The following CLEC17A variants were observed in gnomAD, a reference collection of about 807,000 sequenced individuals.
CLEC17A encodes C-type lectin domain family 17, member A.
In CLEC17A, 37 loss-of-function variants were observed where a neutral mutation model predicts 61.3. The ratio of observed to expected loss-of-function variants is 0.60; its 90% CI spans 0.46 to 0.79. The LOEUF (loss-of-function observed/expected upper bound fraction) is 0.79, where lower values mean the gene tolerates loss of function less well. Among genes scored for constraint, CLEC17A ranks in the 30% least tolerant of loss-of-function variants. The pLI is 0.00. For synonymous variants in CLEC17A, 168 were observed against 164.9 expected, an observed-to-expected ratio of 1.02 and a Z score of -0.14; for missense variants, 418 against 464.7, an observed-to-expected ratio of 0.90 and a Z score of 0.92.
At chr19:14,594,421 C>T in intron 4 of CLEC17A, 96 bp from the exon 5 acceptor site, 1 of 1,470,086 alleles carries the variant, frequency 6.8e-7, no homozygotes, top group Non-Finnish European at 9.3e-7. Context: ...ACCTAATCTC[C>T]AATCCTCCAC....
At chr19:14,598,306 C>CTT (rs2074602794) in intron 10 of CLEC17A, among the ~76,000 whole-genome samples, 1 of 103,264 alleles carries the variant, frequency 9.7e-6, no homozygotes, top group South Asian at 2.9e-4. Flanking sequence ...TTCTTTCTTT[C>CTT]TCTCTCTCTC....
chr19:14,599,892 C>A, intron 11 of CLEC17A, 80 bp downstream of exon 11: 2 of 1,495,060 alleles, frequency 1.3e-6, no homozygotes, highest in Non-Finnish European at 1.8e-6. Context: ...TGAAGTCATT[C>A]TCAGTGCAGT....
At chr19:14,592,966 G>T (rs906126335) in intron 4 of CLEC17A, among the ~76,000 whole-genome samples, 7 of 151,886 alleles carry the variant, frequency 4.6e-5, no homozygotes, top group Non-Finnish European at 1.0e-4. Context: ...ACGCCTGGCC[G>T]AGCAGACATT....
At chr19:14,599,099 T>C (rs934956542) in intron 10 of CLEC17A, among the ~76,000 whole-genome samples, 3 of 140,274 alleles carry the variant, frequency 2.1e-5, no homozygotes, top group African/African-American at 8.0e-5. Flanking sequence ...TTTTTTTTTT[T>C]TTTTTTGAGA....
intron 13 of CLEC17A, 50 bp from the exon 14 acceptor site, chr19:14,610,014 T>C: frequency 7.2e-7 from 1 of 1,397,152 alleles, no homozygotes; most frequent in Non-Finnish European, 1.0e-6. Context: ...CAGAAGAGTT[T>C]CACCACCCTA....
At position 14,611,739 on chromosome 19, in the gene CLEC17A, C is replaced by T. The variant is rs1015608599; in HGVS notation, c.*1543C>T. 2.0e-5 allele frequency among the ~76,000 whole-genome samples: 3 copies of T among 152,118 alleles called. No individual in the cohort carries two copies. Among genetic ancestry groups the T allele is most frequent in the Admixed American group, 6.6e-5 (1 of 15,244 alleles). The stretch of plus-strand genomic sequence containing the variant: ...TTTACTTGCCAGGCACAGTGGCTCA[C>T]GCCTGTAATCCCAGCACTCTGGGAG... On this transcript the variant is annotated 3_prime_UTR_variant, in exon 14 of 14. Transcript: ENST00000417570.
chr19:14,595,352 G>C (rs1352116571), intron 8 of CLEC17A, 37 bp downstream of exon 8: 4 of 1,611,108 alleles, frequency 2.5e-6, no homozygotes, highest in East Asian at 4.5e-5. Flanking sequence ...ACAGTGGCTA[G>C]TGTATCTGAT....
chr19:14,582,052 G>A (rs1414824977), upstream of CLEC17A, among the ~76,000 whole-genome samples: 4 of 152,186 alleles, frequency 2.6e-5, no homozygotes, highest in South Asian at 2.1e-4. Flanking sequence ...AGGCTGCAGC[G>A]TGAGAATCCA....
At chr19:14,609,437 C>T (rs1348021496) in intron 13 of CLEC17A, among the ~76,000 whole-genome samples, 1 of 152,172 alleles carries the variant, frequency 6.6e-6, no homozygotes, top group Non-Finnish European at 1.5e-5. Context: ...TCAGGCCCTG[C>T]TTTAAGCAAG....
At chr19:14,590,509 C>G (rs1298574904) in intron 3 of CLEC17A, among the ~76,000 whole-genome samples, 2 of 151,814 alleles carry the variant, frequency 1.3e-5, no homozygotes, top group African/African-American at 4.8e-5. Context: ...CTGACTCAGT[C>G]TCCCTGGCAG....
Position 14,599,366 on chromosome 19 carries a change from G to A in CLEC17A, c.647-351G>A, listed in dbSNP as rs375956868. Among the ~76,000 whole-genome samples, 159 of 152,184 alleles carry A rather than the reference G, an allele frequency of 1.0e-3. 3 individuals carry two copies. The South Asian group carries it at 0.032, about 31-fold the overall frequency. The stretch of plus-strand genomic sequence containing the variant: ...GCCTCCCAAAGTGCTGGGATTACAG[G>A]TGTGAGCCACCATGGGCAGCCTGCA... On this transcript the variant is annotated intron_variant, in intron 10 of 13. Transcript: ENST00000417570.
intron 10 of CLEC17A, among the ~76,000 whole-genome samples, chr19:14,598,847 C>T (rs1162395050): frequency 6.6e-6 from 1 of 152,070 alleles, no homozygotes; most frequent in Non-Finnish European, 1.5e-5. Context: ...GTAGTCCCAG[C>T]TACTCAGGAG....
At chr19:14,600,669 C>A (rs533183058) in intron 12 of CLEC17A, among the ~76,000 whole-genome samples, 29 of 151,392 alleles carry the variant, frequency 1.9e-4, no homozygotes, top group African/African-American at 6.3e-4. Flanking sequence ...GTAAGCTCCG[C>A]CTCCCGGGTT....
At chr19:14,601,505 A>G (rs181908854) in intron 12 of CLEC17A, among the ~76,000 whole-genome samples, 7 of 152,204 alleles carry the variant, frequency 4.6e-5, no homozygotes, top group African/African-American at 7.2e-5. Flanking sequence ...GTTCCAGTAC[A>G]TGTAAGCAAC....
chr19:14,602,185 CATT>C (rs942407321), intron 12 of CLEC17A, among the ~76,000 whole-genome samples: 2 of 151,854 alleles, frequency 1.3e-5, no homozygotes, highest in African/African-American at 4.8e-5. Context: ...TTATTTATGT[CATT>C]ATATTTAAAA....
chr19:14,609,045 C>A (rs1253320776), intron 13 of CLEC17A, among the ~76,000 whole-genome samples: 1 of 152,042 alleles, frequency 6.6e-6, no homozygotes, highest in Non-Finnish European at 1.5e-5. Flanking sequence ...GGTGATCTAC[C>A]CGTCTTGGCC....
Position 14,610,738 on chromosome 19 carries a change from C to A in CLEC17A, c.*542C>A, listed in dbSNP as rs988824050. The A allele has an allele frequency of 1.3e-5, 2 of 153,394 alleles. No individual in the cohort carries two copies. The highest frequency in any genetic ancestry group is 1.3e-4 in the Admixed American group (2 of 15,452). 9.5% of individuals were successfully genotyped at this position (153,394 alleles called of 1,614,324 possible). ...GTCTCACTATGTTGCCCAGGCCAGT[C>A]TCAAACTCCTTGCCTCAATGGATCC... On this transcript the variant is annotated 3_prime_UTR_variant, in exon 14 of 14. Coordinates refer to ENST00000417570, the MANE Select transcript of CLEC17A (RefSeq NM_001204118.2).
At chr19:14,593,036 C>T (rs751118280) in intron 4 of CLEC17A, among the ~76,000 whole-genome samples, 2 of 152,218 alleles carry the variant, frequency 1.3e-5, no homozygotes, top group Non-Finnish European at 2.9e-5. Context: ...GTCATAAAAG[C>T]TGGTGCTTGA....
At position 14,587,788 on chromosome 19, in the gene CLEC17A, C is replaced by T. The variant is rs557125398; in HGVS notation, c.199+97C>T. On this transcript the variant is annotated intron_variant, in intron 3 of 13. Coordinates refer to ENST00000417570, the MANE Select transcript of CLEC17A (RefSeq NM_001204118.2). ...ATTGTAGACACACAGTCAGTCTCCT[C>T]TCTACACAGCCCATGCCGGGCACTG... is the stretch of plus-strand genomic sequence containing the variant. 46 of 1,566,382 alleles carry T rather than the reference C, an allele frequency of 2.9e-5. 1 individual carries two copies. The Admixed American group carries it at 5.7e-4, about 20-fold the overall frequency.
Sources: allele counts gnomAD v4.1 joint callset (sites outside exome capture counted in the v4.1 genomes callset), GRCh38; gene constraint gnomAD v4.1.1; transcripts MANE v1.5; gene names NCBI Gene and HGNC (gene_info 2026-07-23, HGNC 2026-07-21).